Variants in RPS6KA1 observed in about 807,000 individuals in gnomAD.
RPS6KA1 encodes ribosomal protein S6 kinase alpha-1.
Under a neutral mutation model 91.3 loss-of-function variants are expected in RPS6KA1, and 48 were observed. The observed-to-expected ratio is 0.53, with a 90% CI of 0.42 to 0.67. The LOEUF (loss-of-function observed/expected upper bound fraction) is 0.67, where lower values mean the gene tolerates loss of function less well. Among genes scored for constraint, RPS6KA1 ranks in the 30% least tolerant of loss-of-function variants. The pLI, the probability that RPS6KA1 is intolerant of heterozygous loss-of-function variation, is 0.00. For missense variants in RPS6KA1, 719 were observed against 960.5 expected (o/e 0.75, Z 3.32); for synonymous variants, 359 against 384.7 (o/e 0.93, Z 0.78).
At chr1:26,536,859 A>C (rs1194217740) in intron 1 of RPS6KA1, 66 bp from the exon 2 acceptor site, 1 of 1,585,840 alleles carries the variant, frequency 6.3e-7, no homozygotes, top group Non-Finnish European at 8.7e-7. Flanking sequence ...GGGGTGCCCC[A>C]CAGAGTCTTT....
Position 26,547,335 on chromosome 1 carries a change from G to A in RPS6KA1, c.307+65G>A. 1 of 1,387,552 alleles carries A rather than the reference G, an allele frequency of 7.2e-7. No individual in the cohort carries two copies. The highest frequency in any genetic ancestry group is 1.0e-6 in the Non-Finnish European group (1 of 989,472). 86.0% of individuals were successfully genotyped at this position (1,387,552 alleles called of 1,614,324 possible). ...CTGAGGGAGGCAGCCCAGACTTCAA[G>A]GGCCTTGGGTCTGGCAAGGGAGACA... On this transcript the variant is annotated intron_variant, in intron 4 of 21. Transcript: ENST00000374168. This position sits in a 1 kb window ranked among gnomAD's most constrained non-coding sequence, Gnocchi z 4.1.
rs755917524 is a variant in RPS6KA1 at position 26,536,874 on chromosome 1, C to T, written c.64-51C>T. ...GGGGTGCCCCACAGAGTCTTTCTCC[C>T]AAGCGTGTAAGTTCTGACAGTGCTC... On this transcript the variant is annotated intron_variant, in intron 1 of 21. Coordinates refer to ENST00000374168, the MANE Select transcript of RPS6KA1 (RefSeq NM_002953.4). The T allele has an allele frequency of 6.9e-6, 11 of 1,603,486 alleles. No individual in the cohort carries two copies. The Admixed American group carries it at 1.8e-4, about 27-fold the overall frequency.
chr1:26,544,251 G>A lies in RPS6KA1; in HGVS notation c.109-2616G>A, dbSNP rs1486270143. On this transcript the variant is annotated intron_variant, in intron 2 of 21. Transcript: ENST00000374168. The stretch of plus-strand genomic sequence containing the variant: ...TTGCTGCCTACCTCTGTCTGTGGTT[G>A]GGTTCCAATCTCTGTCTCCACTTGA... The A allele has an allele frequency of 6.6e-6, 3 of 455,120 alleles. No homozygotes were observed. In the East Asian group the frequency reaches 2.1e-4, roughly 32 times the overall value. 28.2% of individuals were successfully genotyped at this position (455,120 alleles called of 1,614,324 possible).
At chr1:26,565,266 G>A (rs1201770250) in intron 17 of RPS6KA1, among the ~76,000 whole-genome samples, 1 of 152,188 alleles carries the variant, frequency 6.6e-6, no homozygotes, top group African/African-American at 2.4e-5. Flanking sequence ...TCCCACAGGA[G>A]CTGAGGGATG....
At chr1:26,545,345 T>G (rs2075984235) in intron 2 of RPS6KA1, among the ~76,000 whole-genome samples, 1 of 149,652 alleles carries the variant, frequency 6.7e-6, no homozygotes, top group South Asian at 2.1e-4. Context: ...ATTTTTTTTT[T>G]TTTTGTATTT....
chr1:26,530,873 C>T, intron 1 of RPS6KA1: 1 of 1,280,266 alleles, frequency 7.8e-7, no homozygotes, highest in Non-Finnish European at 1.0e-6. Flanking sequence ...GGAAAACTTC[C>T]TCCTTAACCT....
intron 12 of RPS6KA1, 139 bp downstream of exon 12, chr1:26,556,857 G>C: frequency 8.1e-7 from 1 of 1,233,058 alleles, no homozygotes; most frequent in Non-Finnish European, 1.2e-6. Flanking sequence ...TTGAAGACAA[G>C]GGCTGGCCTC....
chr1:26,531,938 C>T (rs1422375008), intron 1 of RPS6KA1, among the ~76,000 whole-genome samples: 1 of 152,188 alleles, frequency 6.6e-6, no homozygotes, highest in African/African-American at 2.4e-5. Flanking sequence ...CACTGGAGAA[C>T]AGGGCCTCGC....
chr1:26,530,815 T>A (rs1557485226), intron 1 of RPS6KA1: 2 of 1,288,748 alleles, frequency 1.6e-6, no homozygotes, highest in Non-Finnish European at 2.0e-6. Flanking sequence ...CACCTCTTCC[T>A]GTGCCTTTTG....
chr1:26,553,497 AG>A lies in RPS6KA1; in HGVS notation c.575+1del. 6.2e-7 allele frequency: 1 copy of A among 1,601,748 alleles called. No individual in the cohort carries two copies. Among genetic ancestry groups the A allele is most frequent in the Non-Finnish European group, 8.5e-7 (1 of 1,170,452 alleles). On this transcript the variant is annotated splice_donor_variant, in intron 7 of 21. Transcript: ENST00000374168. LOFTEE classifies it high-confidence loss of function. ...ATTTACAGAGACCTCAAGCCTGAGAAGTGAGTGAAGCCTCCAGCCCCACCCC... is the reference window on the plus strand; with the variant it reads ...ATTTACAGAGACCTCAAGCCTGAGAATGAGTGAAGCCTCCAGCCCCACCCC...
At position 26,540,273 on chromosome 1, in the gene RPS6KA1, A is replaced by G. The variant is rs1345807066; in HGVS notation, c.108+3304A>G. 2.0e-5 allele frequency among the ~76,000 whole-genome samples: 3 copies of G among 152,214 alleles called. No individual in the cohort carries two copies. The highest frequency in any genetic ancestry group is 4.4e-5 in the Non-Finnish European group (3 of 68,032). Reference sequence around the variant, plus strand: ...TCTAACCTTCATTTTACAGAGGAGGAAACCGAGGTTCAGACAGGGAAACAG... The same window carrying G: ...TCTAACCTTCATTTTACAGAGGAGGGAACCGAGGTTCAGACAGGGAAACAG... On this transcript the variant is annotated intron_variant, in intron 2 of 21. Transcript: ENST00000374168. The surrounding 1 kb of genome is among the most constrained non-coding windows in gnomAD (Gnocchi z 4.2).
chr1:26,553,352 G>T, intron 6 of RPS6KA1, 39 bp from the exon 7 acceptor site: 1 of 1,415,048 alleles, frequency 7.1e-7, no homozygotes, highest in East Asian at 2.3e-5. Context: ...TCTTAAGGAA[G>T]AGGAGGTCCC....
Position 26,558,991 on chromosome 1 carries a change from G to A in RPS6KA1, c.1215+54G>A. On this transcript the variant is annotated intron_variant, in intron 14 of 21. Transcript: ENST00000374168. The surrounding 1 kb of genome is among the most constrained non-coding windows in gnomAD (Gnocchi z 4.0). ...TTATCCTTTTCTAAAGAATGGCTGA[G>A]TACACAGGCTCTGAGTTGGACAGAA... 6.3e-7 allele frequency: 1 copy of A among 1,578,024 alleles called. No homozygotes were observed. The highest frequency in any genetic ancestry group is 1.7e-5 in the Admixed American group (1 of 58,314).
chr1:26,562,825 C>CCTTTTTTTTTTTTTTTTT (rs1553133561), intron 17 of RPS6KA1, among the ~76,000 whole-genome samples: 1 of 81,432 alleles, frequency 1.2e-5, no homozygotes, highest in Non-Finnish European at 2.3e-5. Flanking sequence ...TCCTATTGTC[C>CCTTTTTTTTTTTTTTTTT]TTTTTTTTTT....
chr1:26,530,197 T>C (rs1017670721), intron 1 of RPS6KA1, among the ~76,000 whole-genome samples: 2 of 152,204 alleles, frequency 1.3e-5, no homozygotes, highest in Non-Finnish European at 2.9e-5. Context: ...CTCCCCGCCA[T>C]AGCCAGGAGA....
Position 26,551,884 on chromosome 1 carries a change from G to A in RPS6KA1, c.468+161G>A, listed in dbSNP as rs924251254. 6.6e-6 allele frequency among the ~76,000 whole-genome samples: 1 copy of A among 152,198 alleles called. No homozygotes were observed. Among genetic ancestry groups the A allele is most frequent in the Non-Finnish European group, 1.5e-5 (1 of 68,026 alleles). ...GGCCCAGGAAATACCACGCACCCTG[G>A]AATGGAGGCCATACGCTGGCAAGGT... is the stretch of plus-strand genomic sequence containing the variant. On this transcript the variant is annotated intron_variant, in intron 6 of 21. Transcript: ENST00000374168. The surrounding 1 kb of genome is among the most constrained non-coding windows in gnomAD (Gnocchi z 4.5).
Position 26,571,299 on chromosome 1 carries a change from C to G in RPS6KA1, c.1591-150C>G. The G allele has an allele frequency of 1.5e-6, 1 of 683,164 alleles. No individual in the cohort carries two copies. Among genetic ancestry groups the G allele is most frequent in the Non-Finnish European group, 2.5e-6 (1 of 397,690 alleles). 42.3% of individuals were successfully genotyped at this position (683,164 alleles called of 1,614,324 possible). A position where few individuals can be genotyped will look rare whatever the true frequency, so the allele number is the denominator to read the frequency against. On this transcript the variant is annotated intron_variant, in intron 17 of 21. Coordinates refer to ENST00000374168, the MANE Select transcript of RPS6KA1 (RefSeq NM_002953.4). The surrounding 1 kb of genome is among the most constrained non-coding windows in gnomAD (Gnocchi z 5.1). Reference sequence around the variant, plus strand: ...TCAGTAGCAGCAGCAATAAGACCATCATTTCAGCCCCTTCCCCTTCTCTCG... The same window carrying G: ...TCAGTAGCAGCAGCAATAAGACCATGATTTCAGCCCCTTCCCCTTCTCTCG...
chr1:26,560,045 G>A (rs1249756056), intron 14 of RPS6KA1, among the ~76,000 whole-genome samples: 4 of 152,204 alleles, frequency 2.6e-5, no homozygotes, highest in East Asian at 1.9e-4. Flanking sequence ...GGGCAACAGC[G>A]TAAGACTCTG....
In RPS6KA1 at chr1:26,554,270, C is replaced by T. The variant is rs1168129461; in HGVS notation, c.613+19C>T. The T allele has an allele frequency of 6.4e-7, 1 of 1,555,828 alleles. No individual in the cohort carries two copies. The highest frequency in any genetic ancestry group is 1.4e-5 in the African/African-American group (1 of 73,462). On this transcript the variant is annotated intron_variant, in intron 8 of 21. Transcript: ENST00000374168. This position sits in a 1 kb window ranked among gnomAD's most constrained non-coding sequence, Gnocchi z 4.6. The stretch of plus-strand genomic sequence containing the variant: ...CTCACTGGTGAGTGGAGGGCGCCTG[C>T]CCCCTCGGGACCCAGGGGAGGACAG...
Sources: gnomAD v4.1 joint callset for allele counts (sites outside exome capture counted in the v4.1 genomes callset) on GRCh38, gnomAD v4.1.1 for gene constraint, Gnocchi (gnomAD v3.1) non-coding constraint, MANE v1.5 for transcripts, NCBI Gene and HGNC (gene_info 2026-07-23, HGNC 2026-07-21) for gene names.